The following MCHR2 variants were observed in gnomAD, a reference collection of about 807,000 sequenced individuals.
MCHR2 encodes the protein melanin-concentrating hormone receptor 2.
MCHR2 carries 15 observed loss-of-function variants against 24.8 expected under a neutral mutation model. That is an observed-to-expected ratio of 0.60 (90% confidence interval 0.40 to 0.93). The LOEUF (loss-of-function observed/expected upper bound fraction) is 0.93, where lower values mean the gene tolerates loss of function less well. Ranked by LOEUF, MCHR2 falls within the 40% of genes least tolerant of loss-of-function variation. The pLI is 0.00. For synonymous variants in MCHR2, 151 were observed against 147.6 expected (o/e 1.02, Z -0.17); for missense variants, 386 against 408.7 (o/e 0.94, Z 0.48).
intron 4 of MCHR2, among the ~76,000 whole-genome samples, chr6:99,941,449 A>G (rs1221911358): frequency 6.6e-5 from 10 of 151,994 alleles, no homozygotes; most frequent in Non-Finnish European, 1.3e-4. Flanking sequence ...AGTCCTATCT[A>G]TGTTGCACTG....
chr6:99,931,273 C>CTCGGGGG (rs1774526377), intron 5 of MCHR2, among the ~76,000 whole-genome samples: 1 of 152,198 alleles, frequency 6.6e-6, no homozygotes, highest in African/African-American at 2.4e-5. Context: ...AGTTAGGCTG[C>CTCGGGGG]TCGGGGGTCA....
chr6:99,950,826 A>G (rs1191629839), intron 2 of MCHR2, among the ~76,000 whole-genome samples: 1 of 152,178 alleles, frequency 6.6e-6, no homozygotes, highest in African/African-American at 2.4e-5. Flanking sequence ...ACCTTTTGCC[A>G]TCAGAAATAA....
chr6:99,928,049 G>T (rs1774410223), intron 5 of MCHR2, among the ~76,000 whole-genome samples: 1 of 152,180 alleles, frequency 6.6e-6, no homozygotes, highest in African/African-American at 2.4e-5. Flanking sequence ...AGCATGAAGT[G>T]TTGTTGAATT....
intron 1 of MCHR2, 97 bp from the exon 2 acceptor site, chr6:99,956,271 A>T: frequency 4.8e-6 from 4 of 833,828 alleles, no homozygotes; most frequent in Non-Finnish European, 5.4e-6. Flanking sequence ...CTCTTTTTTA[A>T]AACCAAGATT....
intron 1 of MCHR2, among the ~76,000 whole-genome samples, chr6:99,975,347 C>G (rs1478980317): frequency 7.9e-5 from 12 of 152,206 alleles, no homozygotes. Flanking sequence ...ATCAGCGAGA[C>G]TCCGTGGCCG....
At chr6:99,972,801 G>T (rs1208252429) in intron 1 of MCHR2, among the ~76,000 whole-genome samples, 1 of 152,028 alleles carries the variant, frequency 6.6e-6, no homozygotes, top group Non-Finnish European at 1.5e-5. Context: ...CTTTATTTCT[G>T]CCTTCATTTT....
At chr6:99,989,615 G>A (rs1775830421) in intron 1 of MCHR2, among the ~76,000 whole-genome samples, 1 of 151,998 alleles carries the variant, frequency 6.6e-6, no homozygotes, top group Non-Finnish European at 1.5e-5. Context: ...CCCCTGAAAT[G>A]TTTCCTCTCT....
intron 5 of MCHR2, among the ~76,000 whole-genome samples, chr6:99,931,476 C>A (rs568784665): frequency 6.6e-6 from 1 of 152,216 alleles, no homozygotes; most frequent in Non-Finnish European, 1.5e-5. Flanking sequence ...CCTCCTTGAG[C>A]TGTGGTGGGC....
At chr6:99,960,984 T>C (rs556314317) in intron 1 of MCHR2, among the ~76,000 whole-genome samples, 1 of 152,180 alleles carries the variant, frequency 6.6e-6, no homozygotes, top group South Asian at 2.1e-4. Context: ...ACAAATGGGA[T>C]TTAATTAAAC....
chr6:99,937,078 G>C (rs899670925), intron 4 of MCHR2, among the ~76,000 whole-genome samples: 1 of 151,830 alleles, frequency 6.6e-6, no homozygotes, highest in Admixed American at 6.6e-5. Flanking sequence ...TGACTTTACT[G>C]AATTCATTTA....
intron 1 of MCHR2, among the ~76,000 whole-genome samples, chr6:99,972,100 CT>C (rs1441591953): frequency 6.6e-6 from 1 of 152,204 alleles, no homozygotes; most frequent in Admixed American, 6.5e-5. Flanking sequence ...AGGATTCCCT[CT>C]TTTTCTATTG....
rs200664398 is a variant in MCHR2, at chr6:99,990,059, C to A, written c.-28+3877G>T. Among the ~76,000 whole-genome samples, 65 of 151,434 alleles carry A rather than the reference C, an allele frequency of 4.3e-4. 2 individuals are homozygous for A. The South Asian group carries it at 0.013, about 31-fold the overall frequency. On this transcript the variant is annotated intron_variant, in intron 1 of 5. Transcript: ENST00000281806. Reference sequence around the variant, plus strand: ...TTGCAAGTTCATTGGCTTTAAAAAACAAAAAAAAAACTAAATTCCATCTTA... The same window carrying A: ...TTGCAAGTTCATTGGCTTTAAAAAAAAAAAAAAAAACTAAATTCCATCTTA...
intron 5 of MCHR2, among the ~76,000 whole-genome samples, chr6:99,928,358 A>G (rs1332319041): frequency 6.6e-6 from 1 of 152,174 alleles, no homozygotes; most frequent in East Asian, 1.9e-4. Context: ...TCATAAAATG[A>G]GTTAGGGAGG....
chr6:99,962,291 T>C (rs1040429410), intron 1 of MCHR2, among the ~76,000 whole-genome samples: 1 of 152,296 alleles, frequency 6.6e-6, no homozygotes, highest in Admixed American at 6.5e-5. Flanking sequence ...GAAATGAAGT[T>C]AGATAGCATG....
chr6:99,975,407 T>C (rs1337998528), intron 1 of MCHR2, among the ~76,000 whole-genome samples: 1 of 152,196 alleles, frequency 6.6e-6, no homozygotes, highest in East Asian at 1.9e-4. Context: ...TGTCCCGTTT[T>C]TTAAGCCCGT....
chr6:99,974,799 G>T (rs528873375), intron 1 of MCHR2, among the ~76,000 whole-genome samples: 5 of 152,336 alleles, frequency 3.3e-5, no homozygotes, highest in African/African-American at 9.6e-5. Flanking sequence ...CTGCAAGTCT[G>T]TTGGAGTTTG....
intron 1 of MCHR2, among the ~76,000 whole-genome samples, chr6:99,974,440 T>C (rs1052944408): frequency 6.6e-5 from 10 of 152,174 alleles, no homozygotes; most frequent in Non-Finnish European, 1.2e-4. Context: ...CTGCATTGGT[T>C]ATTCTAGTTA....
chr6:99,982,850 C>A (rs974617664), intron 1 of MCHR2, among the ~76,000 whole-genome samples: 2 of 152,094 alleles, frequency 1.3e-5, no homozygotes, highest in Admixed American at 1.3e-4. Flanking sequence ...TAGATGTTCC[C>A]TTTCTCCCTT....
intron 1 of MCHR2, among the ~76,000 whole-genome samples, chr6:99,972,733 A>C (rs894967879): frequency 2.6e-5 from 4 of 151,674 alleles, no homozygotes; most frequent in African/African-American, 9.7e-5. Flanking sequence ...ACTGCTTTGA[A>C]TGTGTCCCAG....
Sources: gnomAD v4.1 joint callset for allele counts (sites outside exome capture counted in the v4.1 genomes callset) on GRCh38, gnomAD v4.1.1 for gene constraint, MANE v1.5 for transcripts, NCBI Gene and HGNC (gene_info 2026-07-23, HGNC 2026-07-21) for gene names.